GRIK2: variants seen among roughly 807,000 people sequenced by gnomAD.
GRIK2 encodes glutamate ionotropic receptor kainate type subunit 2.
Under a neutral mutation model 100.3 loss-of-function variants are expected in GRIK2, and 32 were observed. The observed-to-expected ratio is 0.32, with a 90% CI of 0.24 to 0.43. The LOEUF (loss-of-function observed/expected upper bound fraction) is 0.43, where lower values mean the gene tolerates loss of function less well. Among genes scored for constraint, GRIK2 ranks in the 20% least tolerant of loss-of-function variants. GRIK2 has a pLI of 1.00. For missense variants in GRIK2, 843 were observed against 1,114.9 expected, an observed-to-expected ratio of 0.76 and a Z score of 3.47; for synonymous variants, 417 against 389.4, an observed-to-expected ratio of 1.07 and a Z score of -0.83.
chr6:101,914,976 A>C (rs1339881717), intron 12 of GRIK2, among the ~76,000 whole-genome samples: 1 of 151,520 alleles, frequency 6.6e-6, no homozygotes, highest in Non-Finnish European at 1.5e-5. Context: ...AGCCTTTTAC[A>C]TCTAAGTATA....
At chr6:101,463,983 G>A (rs75494211) in intron 2 of GRIK2, among the ~76,000 whole-genome samples, 3,683 of 152,134 alleles carry the variant, frequency 0.024, 79 homozygotes, top group Non-Finnish European at 0.035. Flanking sequence ...GAATTCCCTG[G>A]TCCTTCAATG....
chr6:101,709,623 T>C (rs756428644), intron 7 of GRIK2, among the ~76,000 whole-genome samples: 25 of 151,850 alleles, frequency 1.6e-4, no homozygotes, highest in Non-Finnish European at 3.7e-4. Flanking sequence ...TAAGCAGCTA[T>C]TCTCTAGTTA....
At chr6:101,533,250 G>T (rs1054463969) in intron 2 of GRIK2, among the ~76,000 whole-genome samples, 2 of 151,758 alleles carry the variant, frequency 1.3e-5, no homozygotes, top group Non-Finnish European at 1.5e-5. Flanking sequence ...AATGCCCTTT[G>T]GGAAGTGATG....
chr6:101,447,410 A>G (rs115096300), intron 2 of GRIK2, among the ~76,000 whole-genome samples: 173 of 151,804 alleles, frequency 1.1e-3, no homozygotes, highest in African/African-American at 3.9e-3. Flanking sequence ...AAAAATAGAG[A>G]GCTCTATATT....
At chr6:101,673,893 G>T (rs1185567169) in intron 4 of GRIK2, among the ~76,000 whole-genome samples, 1 of 152,102 alleles carries the variant, frequency 6.6e-6, no homozygotes, top group Non-Finnish European at 1.5e-5. Flanking sequence ...ATGGGCAAAT[G>T]ACATGAAAAG....
At chr6:102,050,678 A>T (rs1034215980) in intron 15 of GRIK2, among the ~76,000 whole-genome samples, 4 of 151,034 alleles carry the variant, frequency 2.6e-5, no homozygotes, top group Non-Finnish European at 5.9e-5. Context: ...CGGAATAAGA[A>T]ATAAAAAGAG....
chr6:101,771,267 C>T (rs528266911), intron 7 of GRIK2, among the ~76,000 whole-genome samples: 7 of 151,638 alleles, frequency 4.6e-5, no homozygotes, highest in East Asian at 3.9e-4. Context: ...TTCAGTGCAA[C>T]GGGTTGTATA....
At chr6:101,629,706 A>G (rs1269996846) in intron 4 of GRIK2, among the ~76,000 whole-genome samples, 3 of 152,092 alleles carry the variant, frequency 2.0e-5, no homozygotes, top group Non-Finnish European at 2.9e-5. Flanking sequence ...CAAAGTCTCA[A>G]GGTAGAATTT....
At chr6:101,748,191 C>T (rs1776551669) in intron 7 of GRIK2, among the ~76,000 whole-genome samples, 3 of 152,038 alleles carry the variant, frequency 2.0e-5, no homozygotes, top group South Asian at 4.1e-4. Flanking sequence ...ATAAAAATGT[C>T]AGAATAAGCT....
chr6:102,026,562 T>C (rs1487897675), intron 14 of GRIK2, among the ~76,000 whole-genome samples: 1 of 151,258 alleles, frequency 6.6e-6, no homozygotes, highest in Non-Finnish European at 1.5e-5. Context: ...CATTATGAGA[T>C]ACTTGGAATG....
intron 12 of GRIK2, chr6:101,890,517 G>A (rs1334967432): frequency 6.6e-6 from 1 of 152,096 alleles, no homozygotes; most frequent in East Asian, 1.9e-4. Context: ...ATTGCCTTGA[G>A]GTCAGGGGTT....
chr6:101,664,930 G>T (rs779007200), intron 4 of GRIK2, among the ~76,000 whole-genome samples: 2 of 152,142 alleles, frequency 1.3e-5, no homozygotes, highest in African/African-American at 4.8e-5. Context: ...ACTAACATGA[G>T]AACAGTATAG....
intron 2 of GRIK2, among the ~76,000 whole-genome samples, chr6:101,492,191 T>G (rs2128267758): frequency 6.6e-6 from 1 of 152,050 alleles, no homozygotes; most frequent in Non-Finnish European, 1.5e-5. Flanking sequence ...ACCTTTTACT[T>G]ATTAGTTTAA....
At chr6:101,915,306 G>T (rs930414820) in intron 12 of GRIK2, among the ~76,000 whole-genome samples, 5 of 151,166 alleles carry the variant, frequency 3.3e-5, no homozygotes, top group African/African-American at 7.3e-5. Context: ...TGCCATGCAG[G>T]TTACATAAAC....
intron 7 of GRIK2, among the ~76,000 whole-genome samples, chr6:101,731,720 T>A (rs1775283329): frequency 6.6e-6 from 1 of 151,950 alleles, no homozygotes; most frequent in African/African-American, 2.4e-5. Flanking sequence ...GACACATGTA[T>A]AGACTAGGAA....
intron 7 of GRIK2, among the ~76,000 whole-genome samples, chr6:101,729,020 T>C (rs1188478851): frequency 6.6e-6 from 1 of 152,016 alleles, no homozygotes; most frequent in Non-Finnish European, 1.5e-5. Flanking sequence ...AGAAGCCTTG[T>C]TTTGCACACT....
intron 14 of GRIK2, among the ~76,000 whole-genome samples, chr6:102,014,384 A>G (rs1403345058): frequency 2.0e-5 from 3 of 151,656 alleles, no homozygotes; most frequent in African/African-American, 7.3e-5. Flanking sequence ...TTTTTTTCAA[A>G]AAACCCACTC....
intron 11 of GRIK2, among the ~76,000 whole-genome samples, chr6:101,887,110 G>C (rs968636380): frequency 3.3e-5 from 5 of 151,870 alleles, no homozygotes; most frequent in Non-Finnish European, 5.9e-5. Flanking sequence ...TTACAGGTGT[G>C]AGCCAGCGTG....
chr6:101,681,774 T>C (rs2128342146), intron 5 of GRIK2, among the ~76,000 whole-genome samples: 1 of 152,292 alleles, frequency 6.6e-6, no homozygotes, highest in South Asian at 2.1e-4. Flanking sequence ...TGAGAATAAT[T>C]GTTTCCTACT....
Sources: allele counts gnomAD v4.1 joint callset (sites outside exome capture counted in the v4.1 genomes callset), GRCh38; gene constraint gnomAD v4.1.1; transcripts MANE v1.5; gene names NCBI Gene and HGNC (gene_info 2026-07-23, HGNC 2026-07-21).